Variants in SLC9A8 observed in about 807,000 individuals in gnomAD.
SLC9A8 encodes the protein sodium/hydrogen exchanger 8.
In SLC9A8, 48 loss-of-function variants were observed where a neutral mutation model predicts 66.6. The observed-to-expected ratio is 0.72, with a 90% CI of 0.57 to 0.92. The LOEUF is 0.92. SLC9A8 is among the 40% of genes least tolerant of loss of function. The probability of loss-of-function intolerance (pLI) is 0.00; values close to 1 mark genes in which losing one functional copy is unlikely to be tolerated. For missense variants in SLC9A8, 599 were observed against 747.3 expected, an observed-to-expected ratio of 0.80 and a Z score of 2.31; for synonymous variants, 274 against 282.6, an observed-to-expected ratio of 0.97 and a Z score of 0.31.
intron 5 of SLC9A8, among the ~76,000 whole-genome samples, chr20:49,846,812 G>C (rs1367545525): frequency 2.0e-5 from 3 of 152,098 alleles, no homozygotes; most frequent in Admixed American, 2.0e-4. Flanking sequence ...TACTCTGGAG[G>C]CTGAAGCATG....
chr20:49,844,619 TAAAAAAAAAAAAAAAAAAA>T (rs35043669), intron 4 of SLC9A8, among the ~76,000 whole-genome samples: 1 of 106,010 alleles, frequency 9.4e-6, no homozygotes, highest in African/African-American at 3.2e-5. Context: ...CCCTGTATCT[TAAAAAAAAAAAAAAAAAAA>T]AAAAAAAAAA....
chr20:49,828,231 C>T (rs1014492755), intron 3 of SLC9A8, among the ~76,000 whole-genome samples: 3 of 151,768 alleles, frequency 2.0e-5, no homozygotes, highest in African/African-American at 7.3e-5. Flanking sequence ...TAGGTGCCTG[C>T]CACCACGCCC....
intron 11 of SLC9A8, among the ~76,000 whole-genome samples, chr20:49,877,012 G>A (rs917854616): frequency 6.6e-6 from 1 of 152,060 alleles, no homozygotes; most frequent in African/African-American, 2.4e-5. Flanking sequence ...TTTAGGCCAG[G>A]CGCGGTGGCT....
At chr20:49,840,432 A>G (rs1048198918) in intron 4 of SLC9A8, among the ~76,000 whole-genome samples, 4 of 152,240 alleles carry the variant, frequency 2.6e-5, no homozygotes. Context: ...AATTGATCAC[A>G]TTTAAGCCCT....
intron 2 of SLC9A8, among the ~76,000 whole-genome samples, chr20:49,817,709 C>A (rs1019513151): frequency 6.6e-6 from 1 of 152,050 alleles, no homozygotes; most frequent in Non-Finnish European, 1.5e-5. Context: ...GTTTTAGAAA[C>A]TTATAAACCG....
At position 49,884,007 on chromosome 20, in the gene SLC9A8, G is replaced by A. The variant is rs775634192; in HGVS notation, c.1432G>A (p.Asp478Asn). 6.2e-7 allele frequency: 1 copy of A among 1,613,672 alleles called. No individual in the cohort carries two copies. The highest frequency in any genetic ancestry group is 8.5e-7 in the Non-Finnish European group (1 of 1,180,014). The part of the protein sequence containing the change: ...MPLIRLMDIE[D>N]AKAHRRNKKD... ...CCTCATTCGCCTCATGGACATCGAG[G>A]ACGCCAAGGCACACCGCAGGAACAA... Residue 478 changes from aspartate (D) to asparagine (N), a missense_variant, in exon 14 of 16, where the codon GAC becomes AAC. Asp to Asn is a conservative substitution (Grantham distance 23). Transcript: ENST00000361573.
chr20:49,887,770 C>G (rs966664000), intron 15 of SLC9A8, 59 bp from the exon 16 acceptor site: 18 of 1,362,474 alleles, frequency 1.3e-5, no homozygotes, highest in African/African-American at 2.9e-5. Context: ...GTAGCATCCC[C>G]TCCCTTCCAT....
At chr20:49,854,007 G>A (rs954772120) in intron 7 of SLC9A8, among the ~76,000 whole-genome samples, 8 of 152,178 alleles carry the variant, frequency 5.3e-5, no homozygotes, top group East Asian at 3.9e-4. Flanking sequence ...CTGCTCAGCC[G>A]AGCATCCTTT....
chr20:49,847,806 CTT>C (rs1348655065), intron 5 of SLC9A8, among the ~76,000 whole-genome samples: 1 of 151,078 alleles, frequency 6.6e-6, no homozygotes, highest in East Asian at 1.9e-4. Flanking sequence ...ATTATGGTAA[CTT>C]TAACTTGGGT....
rs2090055795 is a variant in SLC9A8 at position 49,892,030 on chromosome 20, A to AGGCCCCTGTTT, written c.*4095_*4105dup. 6.6e-6 allele frequency: 1 copy of AGGCCCCTGTTT among 151,770 alleles called. No individual in the cohort carries two copies. The highest frequency in any genetic ancestry group is 1.5e-5 in the Non-Finnish European group (1 of 67,976). 9.4% of individuals were successfully genotyped at this position (151,770 alleles called of 1,614,324 possible). On this transcript the variant is annotated 3_prime_UTR_variant, in exon 16 of 16. Transcript: ENST00000361573. ...AAGTGAGCTGCAAGAGGCCCCTGTT[A>AGGCCCCTGTTT]GGCCCCTGTTTCCTGAGCAGTGATG...
At chr20:49,839,670 T>G (rs2087684522) in intron 4 of SLC9A8, 71 bp downstream of exon 4, 1 of 902,310 alleles carries the variant, frequency 1.1e-6, no homozygotes. Context: ...TGTAATTACT[T>G]GGCTATCAGT....
chr20:49,877,065 G>A (rs1194790481), intron 11 of SLC9A8, among the ~76,000 whole-genome samples: 1 of 151,416 alleles, frequency 6.6e-6, no homozygotes, highest in Non-Finnish European at 1.5e-5. Flanking sequence ...CAAGGTGTGC[G>A]GATCACAAGG....
chr20:49,851,161 TTAC>T (rs1464978498), intron 7 of SLC9A8, among the ~76,000 whole-genome samples: 2 of 152,204 alleles, frequency 1.3e-5, no homozygotes, highest in Non-Finnish European at 2.9e-5. Context: ...GTCTTCTTAT[TTAC>T]AAGACTTTTC....
chr20:49,863,127 T>C, intron 9 of SLC9A8, 60 bp downstream of exon 9: 4 of 1,462,854 alleles, frequency 2.7e-6, no homozygotes, highest in Non-Finnish European at 3.7e-6. Context: ...CTTCTGTCTC[T>C]AGCCAGTTTC....
At chr20:49,831,090 T>C in intron 3 of SLC9A8, 2 of 647,414 alleles carry the variant, frequency 3.1e-6, no homozygotes, top group Non-Finnish European at 2.9e-6. Context: ...CACTAAGCCG[T>C]CGGACCCCCC....
chr20:49,884,224 A>ACT (rs2089747824), intron 14 of SLC9A8, 158 bp downstream of exon 14: 1 of 233,266 alleles, frequency 4.3e-6, no homozygotes, highest in Non-Finnish European at 7.7e-6. Flanking sequence ...ACACACACAC[A>ACT]CACACACACA....
intron 10 of SLC9A8, among the ~76,000 whole-genome samples, chr20:49,867,340 G>T (rs79867821): frequency 0.011 from 1,681 of 152,138 alleles, 32 homozygotes; most frequent in African/African-American, 0.036. Context: ...CCTTCTTGAG[G>T]CTTACATTTA....
At chr20:49,846,724 G>T (rs952668345) in intron 5 of SLC9A8, among the ~76,000 whole-genome samples, 2 of 152,048 alleles carry the variant, frequency 1.3e-5, no homozygotes, top group African/African-American at 4.8e-5. Context: ...GACCAGTCTG[G>T]CCAACATGGT....
intron 3 of SLC9A8, among the ~76,000 whole-genome samples, chr20:49,831,744 G>A (rs1052111351): frequency 3.9e-5 from 6 of 152,182 alleles, no homozygotes; most frequent in Non-Finnish European, 5.9e-5. Context: ...ATGTCTAAGT[G>A]TCCAGTGTGC....
Sources: allele counts gnomAD v4.1 joint callset (sites outside exome capture counted in the v4.1 genomes callset), GRCh38; gene constraint gnomAD v4.1.1; transcripts MANE v1.5; gene names NCBI Gene and HGNC (gene_info 2026-07-23, HGNC 2026-07-21).